The following ZFPM2 variants were observed in gnomAD, a reference collection of about 807,000 sequenced individuals.
ZFPM2 encodes zinc finger protein, FOG family member 2.
Under a neutral mutation model 98.6 loss-of-function variants are expected in ZFPM2, and 20 were observed. The observed-to-expected ratio is 0.20, with a 90% CI of 0.14 to 0.29. The LOEUF (loss-of-function observed/expected upper bound fraction) is 0.29, where lower values mean the gene tolerates loss of function less well. Ranked by LOEUF, ZFPM2 falls within the 10% of genes least tolerant of loss-of-function variation. ZFPM2 has a pLI of 1.00. For synonymous variants in ZFPM2, 518 were observed against 502.7 expected (o/e 1.03, Z -0.41); for missense variants, 1,310 against 1,388.6 (o/e 0.94, Z 0.90).
intron 5 of ZFPM2, among the ~76,000 whole-genome samples, chr8:105,637,712 C>T (rs1019159623): frequency 4.6e-5 from 7 of 151,936 alleles, no homozygotes; most frequent in African/African-American, 1.7e-4. Context: ...AAAATATGAT[C>T]CCGGGAGGCA....
chr8:105,692,864 T>C (rs1475105940), intron 5 of ZFPM2, among the ~76,000 whole-genome samples: 2 of 152,202 alleles, frequency 1.3e-5, no homozygotes, highest in African/African-American at 4.8e-5. Flanking sequence ...GAATACTAGG[T>C]TAAAGATTTT....
At chr8:105,586,451 C>T (rs755300907) in intron 4 of ZFPM2, among the ~76,000 whole-genome samples, 7 of 151,922 alleles carry the variant, frequency 4.6e-5, no homozygotes, top group South Asian at 2.1e-4. Context: ...GAGATGGAGT[C>T]TCATTCTGTC....
intron 5 of ZFPM2, among the ~76,000 whole-genome samples, chr8:105,660,045 A>C (rs1256745182): frequency 6.6e-6 from 1 of 152,186 alleles, no homozygotes; most frequent in Non-Finnish European, 1.5e-5. Context: ...TTCCAGAACT[A>C]TTTAGGTTGC....
At chr8:105,389,442 T>C (rs1323900688) in intron 1 of ZFPM2, among the ~76,000 whole-genome samples, 5 of 152,048 alleles carry the variant, frequency 3.3e-5, no homozygotes, top group Non-Finnish European at 1.5e-5. Flanking sequence ...TAAAGATGAA[T>C]AGTCAAAAAA....
chr8:105,645,269 G>A (rs1435606953), intron 5 of ZFPM2, among the ~76,000 whole-genome samples: 1 of 151,918 alleles, frequency 6.6e-6, no homozygotes, highest in Non-Finnish European at 1.5e-5. Context: ...ATTTAACTTT[G>A]CTCCTTTCAC....
intron 4 of ZFPM2, among the ~76,000 whole-genome samples, chr8:105,619,168 G>A (rs1480325892): frequency 6.6e-6 from 1 of 151,900 alleles, no homozygotes; most frequent in Non-Finnish European, 1.5e-5. Flanking sequence ...TTAAAGTGTG[G>A]TTCAATTTGT....
At chr8:105,619,056 C>A (rs1345984807) in intron 4 of ZFPM2, among the ~76,000 whole-genome samples, 8 of 152,014 alleles carry the variant, frequency 5.3e-5, no homozygotes, top group Admixed American at 2.6e-4. Context: ...CATAAAAGAT[C>A]ATTATGATTA....
intron 5 of ZFPM2, among the ~76,000 whole-genome samples, chr8:105,719,085 C>T (rs761753256): frequency 6.6e-6 from 1 of 151,854 alleles, no homozygotes; most frequent in South Asian, 2.1e-4. Flanking sequence ...TTTTTAACCA[C>T]GTTCTAGTTT....
At chr8:105,438,690 G>C (rs952227563) in intron 2 of ZFPM2, among the ~76,000 whole-genome samples, 2 of 152,126 alleles carry the variant, frequency 1.3e-5, no homozygotes, top group Non-Finnish European at 2.9e-5. Context: ...CAAAAGACCC[G>C]AAGTCTGATA....
intron 4 of ZFPM2, among the ~76,000 whole-genome samples, chr8:105,573,553 T>G (rs1422663214): frequency 6.6e-6 from 1 of 152,200 alleles, no homozygotes; most frequent in Non-Finnish European, 1.5e-5. Context: ...AAAAGACATT[T>G]GTGAAAATGA....
intron 5 of ZFPM2, among the ~76,000 whole-genome samples, chr8:105,754,163 A>G (rs1252046604): frequency 6.6e-6 from 1 of 152,116 alleles, no homozygotes; most frequent in African/African-American, 2.4e-5. Context: ...CTTTAGAGTC[A>G]TTAAATTTCC....
At chr8:105,389,917 T>C (rs1476544316) in intron 1 of ZFPM2, among the ~76,000 whole-genome samples, 1 of 152,206 alleles carries the variant, frequency 6.6e-6, no homozygotes, top group Non-Finnish European at 1.5e-5. Context: ...TTTGTCAGAT[T>C]TAGGAAAAAT....
At position 105,483,017 on chromosome 8, in the gene ZFPM2, T is replaced by G. The variant is rs1156652759; in HGVS notation, c.301+38636T>G. Reference sequence around the variant, plus strand: ...TCCTTTCCTTCCTTCCTTCCTTCCTTCCTTCCTTCCTTCCTTCCTTCTTTA... The same window carrying G: ...TCCTTTCCTTCCTTCCTTCCTTCCTGCCTTCCTTCCTTCCTTCCTTCTTTA... On this transcript the variant is annotated intron_variant, in intron 3 of 7. Transcript: ENST00000407775. Among the ~76,000 whole-genome samples, 5 of 132,842 alleles carry G rather than the reference T, an allele frequency of 3.8e-5. No homozygotes were observed. The South Asian group carries it at 1.4e-3, about 38-fold the overall frequency. 87.1% of individuals were successfully genotyped at this position (132,842 alleles called of 152,430 possible).
intron 4 of ZFPM2, among the ~76,000 whole-genome samples, chr8:105,581,299 G>A (rs950875578): frequency 2.0e-5 from 3 of 152,022 alleles, no homozygotes; most frequent in East Asian, 1.9e-4. Flanking sequence ...TAGTGCATAG[G>A]GGCCAAAGAA....
At chr8:105,586,807 G>A (rs1490082316) in intron 4 of ZFPM2, among the ~76,000 whole-genome samples, 1 of 148,386 alleles carries the variant, frequency 6.7e-6, no homozygotes, top group Non-Finnish European at 1.5e-5. Context: ...TATCCTTTAG[G>A]CCACTATATA....
At chr8:105,330,587 T>C (rs1379240544) in intron 1 of ZFPM2, among the ~76,000 whole-genome samples, 1 of 57,158 alleles carries the variant, frequency 1.7e-5, no homozygotes, top group Non-Finnish European at 2.9e-5. Context: ...TATACATATA[T>C]ATATATACAT....
In ZFPM2 at chr8:105,651,210, A is replaced by G. The variant is rs373695565; in HGVS notation, c.532+16853A>G. Among the ~76,000 whole-genome samples the G allele has an allele frequency of 1.5e-3, 221 of 151,840 alleles. 1 individual carries two copies. The highest frequency in any genetic ancestry group is 5.0e-3 in the African/African-American group (208 of 41,412). ...TTATGTATTTTCCTTTGACTACCTC[A>G]TTTATATTTTGTAACTACTCAGTGC... On this transcript the variant is annotated intron_variant, in intron 5 of 7. Coordinates refer to ENST00000407775, the MANE Select transcript of ZFPM2 (RefSeq NM_012082.4).
intron 3 of ZFPM2, among the ~76,000 whole-genome samples, chr8:105,537,316 C>T (rs1031470832): frequency 6.6e-5 from 10 of 152,040 alleles, no homozygotes; most frequent in African/African-American, 2.4e-4. Context: ...CTTCAACTCC[C>T]AAATGAGGAA....
At chr8:105,425,362 C>A (rs1421147990) in intron 2 of ZFPM2, among the ~76,000 whole-genome samples, 1 of 152,120 alleles carries the variant, frequency 6.6e-6, no homozygotes, top group Admixed American at 6.5e-5. Flanking sequence ...ACAGATAACT[C>A]CAATCAGAAT....
Sources: allele counts gnomAD v4.1 joint callset (sites outside exome capture counted in the v4.1 genomes callset), GRCh38; gene constraint gnomAD v4.1.1; transcripts MANE v1.5; gene names NCBI Gene and HGNC (gene_info 2026-07-23, HGNC 2026-07-21).